SDK1: variants seen among roughly 807,000 people sequenced by gnomAD.
SDK1 encodes the protein protein sidekick-1.
Under a neutral mutation model 245.5 loss-of-function variants are expected in SDK1, and 157 were observed. The ratio of observed to expected loss-of-function variants is 0.64; its 90% CI spans 0.56 to 0.73. The LOEUF (loss-of-function observed/expected upper bound fraction) is 0.73. SDK1 is among the 30% of genes least tolerant of loss of function. The pLI is 0.00. For synonymous variants in SDK1, 1,647 were observed against 1,278.5 expected, an observed-to-expected ratio of 1.29 and a Z score of -6.15; for missense variants, 3,583 against 3,002.3, an observed-to-expected ratio of 1.19 and a Z score of -4.52.
At chr7:3,574,715 C>G (rs1004870860) in intron 1 of SDK1, among the ~76,000 whole-genome samples, 1 of 152,040 alleles carries the variant, frequency 6.6e-6, no homozygotes. Context: ...TACTGCCTGG[C>G]TTCTTGAAAT....
intron 1 of SDK1, among the ~76,000 whole-genome samples, chr7:3,501,396 A>T (rs1439975498): frequency 2.0e-5 from 3 of 151,502 alleles, no homozygotes; most frequent in Non-Finnish European, 2.9e-5. Context: ...AAAACTGATC[A>T]GGACAGTTTC....
chr7:3,660,677 A>C (rs1783322984), intron 4 of SDK1, among the ~76,000 whole-genome samples: 1 of 152,228 alleles, frequency 6.6e-6, no homozygotes, highest in Non-Finnish European at 1.5e-5. Flanking sequence ...TTAGGATCAA[A>C]CAACCATAGC....
intron 5 of SDK1, among the ~76,000 whole-genome samples, chr7:3,931,690 G>C (rs1396873144): frequency 6.6e-6 from 1 of 152,128 alleles, no homozygotes; most frequent in Admixed American, 6.5e-5. Flanking sequence ...CTGTGGATTT[G>C]AGCTATGCTG....
intron 38 of SDK1, among the ~76,000 whole-genome samples, chr7:4,218,395 A>C (rs1037925311): frequency 1.3e-5 from 2 of 152,186 alleles, no homozygotes; most frequent in African/African-American, 4.8e-5. Flanking sequence ...TCCGTCTCAA[A>C]AAAAAAAAGC....
Position 4,175,778 on chromosome 7 carries a change from A to G in SDK1, c.4940A>G (p.Gln1647Arg). The G allele has an allele frequency of 6.2e-7, 1 of 1,613,996 alleles. No individual in the cohort carries two copies. Among genetic ancestry groups the G allele is most frequent in the Non-Finnish European group, 8.5e-7 (1 of 1,179,974 alleles). ...TCTGCTTTGCTTACCCCAATAGCCCAAAGCAGCTTCAAGACGGTGAACAGC... is the reference window on the plus strand; with the variant it reads ...TCTGCTTTGCTTACCCCAATAGCCCGAAGCAGCTTCAAGACGGTGAACAGC... ...PIALHAELTA[Q>R]SSFKTVNSSS... Residue 1647 changes from glutamine (Q) to arginine (R), a missense_variant, in exon 34 of 45, where the codon CAA (glutamine) becomes CGA (arginine). By Grantham distance (43) the Gln-to-Arg change is conservative. Coordinates refer to ENST00000404826, the MANE Select transcript of SDK1 (RefSeq NM_152744.4).
chr7:3,352,724 T>C (rs921907006), intron 1 of SDK1, among the ~76,000 whole-genome samples: 2 of 152,158 alleles, frequency 1.3e-5, no homozygotes, highest in Admixed American at 6.5e-5. Flanking sequence ...AGATTTTTCT[T>C]TTTTTTTCAG....
At chr7:3,847,413 A>C (rs1780307749) in intron 5 of SDK1, among the ~76,000 whole-genome samples, 1 of 152,218 alleles carries the variant, frequency 6.6e-6, no homozygotes, top group Non-Finnish European at 1.5e-5. Flanking sequence ...TAATTTATTT[A>C]GTATTTACCG....
At chr7:3,951,949 C>G in intron 7 of SDK1, 29 bp downstream of exon 7, 1 of 1,590,096 alleles carries the variant, frequency 6.3e-7, no homozygotes, top group Non-Finnish European at 8.6e-7. Context: ...AGTGGTGTTG[C>G]CAGCATCTCA....
intron 4 of SDK1, among the ~76,000 whole-genome samples, chr7:3,665,084 G>C (rs990709576): frequency 6.6e-6 from 1 of 152,174 alleles, no homozygotes; most frequent in Non-Finnish European, 1.5e-5. Context: ...CTGTAAGAAA[G>C]AGTGGACTCT....
intron 5 of SDK1, among the ~76,000 whole-genome samples, chr7:3,925,483 A>C (rs937627053): frequency 3.3e-5 from 5 of 152,150 alleles, no homozygotes; most frequent in African/African-American, 1.2e-4. Flanking sequence ...GCCTCTATGA[A>C]TCTCTCGTCG....
chr7:3,654,318 G>T (rs954601648), intron 4 of SDK1, among the ~76,000 whole-genome samples: 1 of 151,402 alleles, frequency 6.6e-6, no homozygotes, highest in African/African-American at 2.5e-5. Context: ...CTCAACGTGA[G>T]TAAGAAGATG....
intron 12 of SDK1, among the ~76,000 whole-genome samples, chr7:3,973,170 CA>C (rs1782625726): frequency 6.6e-6 from 1 of 152,184 alleles, no homozygotes; most frequent in African/African-American, 2.4e-5. Flanking sequence ...TGAGGAGCGC[CA>C]GGCTGTAAGT....
At chr7:3,422,644 C>T (rs1315379502) in intron 1 of SDK1, among the ~76,000 whole-genome samples, 2 of 152,090 alleles carry the variant, frequency 1.3e-5, no homozygotes, top group Non-Finnish European at 2.9e-5. Flanking sequence ...CAGAAAACAT[C>T]AAATTATTTC....
intron 1 of SDK1, among the ~76,000 whole-genome samples, chr7:3,524,227 G>A (rs573465924): frequency 6.6e-5 from 10 of 152,260 alleles, no homozygotes; most frequent in African/African-American, 2.2e-4. Context: ...TTTGTATAGG[G>A]CTTTCTAAAA....
intron 4 of SDK1, among the ~76,000 whole-genome samples, chr7:3,705,233 AG>A (rs934378277): frequency 2.0e-5 from 3 of 151,822 alleles, no homozygotes. Flanking sequence ...AAAATGATAT[AG>A]GTATTTTGAT....
At chr7:3,444,934 C>T (rs1780301652) in intron 1 of SDK1, among the ~76,000 whole-genome samples, 1 of 152,084 alleles carries the variant, frequency 6.6e-6, no homozygotes, top group Non-Finnish European at 1.5e-5. Context: ...GAAACTATTT[C>T]CTACTTACAA....
At chr7:4,205,817 C>T (rs931054534) in intron 35 of SDK1, 62 bp from the exon 36 acceptor site, 19 of 1,340,290 alleles carry the variant, frequency 1.4e-5, no homozygotes, top group Admixed American at 7.9e-5. Flanking sequence ...GGCATGTGGG[C>T]GAGGGTCCGG....
chr7:3,720,841 G>C (rs966416323), intron 4 of SDK1, among the ~76,000 whole-genome samples: 1 of 152,308 alleles, frequency 6.6e-6, no homozygotes, highest in East Asian at 1.9e-4. Flanking sequence ...CCTAGGAAAA[G>C]TTCAAATATC....
chr7:3,985,068 C>T (rs1783719132), intron 13 of SDK1, among the ~76,000 whole-genome samples: 1 of 152,172 alleles, frequency 6.6e-6, no homozygotes, highest in South Asian at 2.1e-4. Flanking sequence ...GAGCCGTCAC[C>T]ACTGGCTCAA....
Sources: allele counts gnomAD v4.1 joint callset (sites outside exome capture counted in the v4.1 genomes callset), GRCh38; gene constraint gnomAD v4.1.1; transcripts MANE v1.5; gene names NCBI Gene and HGNC (gene_info 2026-07-23, HGNC 2026-07-21).